Variants in PTPRG observed in about 807,000 individuals in gnomAD.
PTPRG encodes the protein receptor-type tyrosine-protein phosphatase gamma.
In PTPRG, 102 loss-of-function variants were observed where a neutral mutation model predicts 165.3. The ratio of observed to expected loss-of-function variants is 0.62; its 90% confidence interval spans 0.53 to 0.73. The LOEUF is 0.73. Among genes scored for constraint, PTPRG ranks in the 30% least tolerant of loss-of-function variants. The probability of loss-of-function intolerance (pLI) is 0.00; values close to 1 mark genes in which losing one functional copy is unlikely to be tolerated. For synonymous variants in PTPRG, 675 were observed against 669.5 expected (o/e 1.01, Z -0.13); for missense variants, 1,866 against 1,861.4 (o/e 1.00, Z -0.05).
At position 61,562,278 on chromosome 3, in the gene PTPRG, G is replaced by A. The variant is rs765595154; in HGVS notation, c.-10G>A. The A allele has an allele frequency of 1.9e-6, 3 of 1,613,020 alleles. No homozygotes were observed. In the South Asian group the frequency reaches 3.3e-5, roughly 18 times the overall value. On this transcript the variant is annotated 5_prime_UTR_variant, in exon 1 of 30. Transcript: ENST00000474889. Reference sequence around the variant, plus strand: ...CCCTGCTTTCCTCTTTTCGATGTGCGTTTTCGGACATGCGGAGGTTACTGG... The same window carrying A: ...CCCTGCTTTCCTCTTTTCGATGTGCATTTTCGGACATGCGGAGGTTACTGG...
intron 2 of PTPRG, among the ~76,000 whole-genome samples, chr3:61,952,150 C>G (rs2039915952): frequency 6.9e-6 from 1 of 145,082 alleles, no homozygotes; most frequent in Admixed American, 6.8e-5. Context: ...AAGACAGTAT[C>G]AGAATCCCAG....
chr3:62,091,535 T>C (rs540863440), intron 5 of PTPRG, among the ~76,000 whole-genome samples: 2 of 152,224 alleles, frequency 1.3e-5, no homozygotes, highest in Admixed American at 1.3e-4. Context: ...TATAAGATTT[T>C]CCCCTGGACC....
rs760198568 is a variant in PTPRG at position 62,267,410 on chromosome 3, A to T, written c.2657A>T (p.Tyr886Phe). Reference sequence around the variant, plus strand: ...TGTTTTTTTTTCTTATCTTCTATAGATGATCACAGTAGGGTGAAGTTAAGA... The same window carrying T: ...TGTTTTTTTTTCTTATCTTCTATAGTTGATCACAGTAGGGTGAAGTTAAGA... ...HKNRYINILA[Y>F]DHSRVKLRPL... The change falls in exon 18 of 30, where the codon TAT becomes TTT. Residue 886 changes from tyrosine to phenylalanine, a missense_variant and splice_region_variant. Transcript: ENST00000474889. 1 of 1,593,920 alleles carries T rather than the reference A, an allele frequency of 6.3e-7. No individual in the cohort carries two copies. The highest frequency in any genetic ancestry group is 1.7e-4 in the Middle Eastern group (1 of 5,920).
intron 1 of PTPRG, among the ~76,000 whole-genome samples, chr3:61,741,068 A>G (rs997712550): frequency 6.6e-6 from 1 of 152,210 alleles, no homozygotes; most frequent in Non-Finnish European, 1.5e-5. Context: ...ACTTAATTTG[A>G]TACTTTTGCC....
intron 1 of PTPRG, among the ~76,000 whole-genome samples, chr3:61,609,735 T>A (rs1384371751): frequency 1.3e-5 from 2 of 152,094 alleles, no homozygotes; most frequent in Non-Finnish European, 2.9e-5. Flanking sequence ...GGCGTGCACC[T>A]GTAGTCCTAG....
In PTPRG at chr3:61,570,980, T is replaced by C. The variant is rs150528221; in HGVS notation, c.85+8608T>C. ...GAGTTTCAGATATACATATCTCTTA[T>C]TCAGAATCCACACCAAAACCACAGA... On this transcript the variant is annotated intron_variant, in intron 1 of 29. Transcript: ENST00000474889. Among the ~76,000 whole-genome samples, 612 of 152,294 alleles carry C rather than the reference T, an allele frequency of 4.0e-3. 20 individuals are homozygous for C. The highest frequency in any genetic ancestry group is 0.034 in the Admixed American group (526 of 15,300).
chr3:62,287,280 T>TAATACCATGCTAAAATGAGG lies in PTPRG; in HGVS notation c.4055+4412_4055+4431dup, dbSNP rs1264061826. Among the ~76,000 whole-genome samples the TAATACCATGCTAAAATGAGG allele has an allele frequency of 1.1e-4, 16 of 152,266 alleles. No individual in the cohort carries two copies. The East Asian group carries it at 2.7e-3, about 26-fold the overall frequency. ...AAAATCAGTACAAATGACTTTTTTT[T>TAATACCATGCTAAAATGAGG]AATACCATGCTAAAATGAGGTCAAC... On this transcript the variant is annotated intron_variant, in intron 28 of 29. Coordinates refer to ENST00000474889, the MANE Select transcript of PTPRG (RefSeq NM_002841.4).
chr3:61,972,769 T>TA (rs1370215869), intron 2 of PTPRG, among the ~76,000 whole-genome samples: 1 of 151,744 alleles, frequency 6.6e-6, no homozygotes, highest in Non-Finnish European at 1.5e-5. Flanking sequence ...ACTCACACCT[T>TA]AGACTCCTGA....
intron 2 of PTPRG, among the ~76,000 whole-genome samples, chr3:61,794,617 T>G (rs1304142589): frequency 6.6e-6 from 1 of 152,248 alleles, no homozygotes; most frequent in African/African-American, 2.4e-5. Flanking sequence ...AGCAGATTGC[T>G]GCTTACAAGT....
At chr3:62,046,619 A>G (rs983910626) in intron 4 of PTPRG, among the ~76,000 whole-genome samples, 1 of 152,076 alleles carries the variant, frequency 6.6e-6, no homozygotes, top group African/African-American at 2.4e-5. Flanking sequence ...TCTTTCCTGC[A>G]TTTAGTCTGG....
intron 2 of PTPRG, among the ~76,000 whole-genome samples, chr3:61,852,170 C>T (rs1276311835): frequency 3.3e-5 from 5 of 152,130 alleles, no homozygotes; most frequent in Non-Finnish European, 7.4e-5. Flanking sequence ...ACAGTATTAG[C>T]TGATACTACT....
intron 2 of PTPRG, among the ~76,000 whole-genome samples, chr3:61,931,701 G>T (rs2039365991): frequency 1.3e-5 from 2 of 152,142 alleles, no homozygotes; most frequent in Non-Finnish European, 2.9e-5. Flanking sequence ...CTTTCTGGTG[G>T]CTTCAAAGAA....
intron 1 of PTPRG, chr3:61,742,589 T>A: frequency 6.3e-7 from 1 of 1,597,048 alleles, no homozygotes; most frequent in Non-Finnish European, 8.5e-7. Flanking sequence ...TCGGCTGTCA[T>A]CTTCACGTGA....
intron 2 of PTPRG, among the ~76,000 whole-genome samples, chr3:61,958,221 A>G (rs531067407): frequency 2.0e-4 from 30 of 151,754 alleles, no homozygotes; most frequent in Middle Eastern, 3.4e-3. Context: ...CTGCCTCCCG[A>G]GTTCAAACGT....
At chr3:62,264,359 A>T (rs147795582) in intron 17 of PTPRG, among the ~76,000 whole-genome samples, 1 of 152,056 alleles carries the variant, frequency 6.6e-6, no homozygotes, top group African/African-American at 2.4e-5. Context: ...GGGTTTTAGT[A>T]TATTCACGGA....
At chr3:61,757,247 A>G (rs958457182) in intron 2 of PTPRG, among the ~76,000 whole-genome samples, 2 of 152,264 alleles carry the variant, frequency 1.3e-5, no homozygotes, top group East Asian at 3.9e-4. Context: ...GAGGGATACT[A>G]CCTTTTAATA....
At chr3:61,912,516 A>G (rs2038827395) in intron 2 of PTPRG, among the ~76,000 whole-genome samples, 1 of 152,190 alleles carries the variant, frequency 6.6e-6, no homozygotes, top group African/African-American at 2.4e-5. Context: ...TAAAAAGAGG[A>G]AAAAGTAAAG....
At position 62,293,655 on chromosome 3, in the gene PTPRG, A is replaced by C. The variant is rs1702975786; in HGVS notation, c.*348A>C. On this transcript the variant is annotated 3_prime_UTR_variant, in exon 30 of 30. Coordinates refer to ENST00000474889, the MANE Select transcript of PTPRG (RefSeq NM_002841.4). ...AGTGAAGGTCTTTGTTATGACAGTG[A>C]ATATTGCTTTTATTATTATTATTGC... is the stretch of plus-strand genomic sequence containing the variant. The C allele has an allele frequency of 5.9e-6, 1 of 170,030 alleles. No homozygotes were observed. Among genetic ancestry groups the C allele is most frequent in the Admixed American group, 6.2e-5 (1 of 16,186 alleles). The allele number at this position is 170,030 out of a possible 1,614,324, so 10.5% of individuals were successfully genotyped here.
At chr3:61,991,273 A>G (rs140539770) in intron 3 of PTPRG, among the ~76,000 whole-genome samples, 1 of 152,110 alleles carries the variant, frequency 6.6e-6, no homozygotes, top group Non-Finnish European at 1.5e-5. Flanking sequence ...TGGCATGATC[A>G]TGGTTCACTG....
Sources: gnomAD v4.1 joint callset for allele counts (sites outside exome capture counted in the v4.1 genomes callset) on GRCh38, gnomAD v4.1.1 for gene constraint, MANE v1.5 for transcripts, NCBI Gene and HGNC (gene_info 2026-07-23, HGNC 2026-07-21) for gene names.